Variants in PDGFRA observed in about 807,000 individuals in gnomAD.
The protein encoded by PDGFRA is platelet-derived growth factor receptor alpha.
PDGFRA carries 25 observed loss-of-function variants against 121.5 expected under a neutral mutation model. The observed-to-expected ratio is 0.21, with a 90% CI of 0.15 to 0.29. The LOEUF (loss-of-function observed/expected upper bound fraction) is 0.29, where lower values mean the gene tolerates loss of function less well. Ranked by LOEUF, PDGFRA falls within the 10% of genes least tolerant of loss-of-function variation. The pLI is 1.00. For missense variants in PDGFRA, 1,008 were observed against 1,345.1 expected (o/e 0.75, Z 3.92); for synonymous variants, 463 against 494.8 (o/e 0.94, Z 0.85).
chr4:54,248,270 C>G (rs1721815859), intron 1 of PDGFRA, among the ~76,000 whole-genome samples: 1 of 152,136 alleles, frequency 6.6e-6, no homozygotes, highest in Non-Finnish European at 1.5e-5. Context: ...CAGTCCTAAG[C>G]CAAAAGAACA....
chr4:54,280,423 C>T lies in PDGFRA; in HGVS notation c.2264C>T (p.Ser755Phe), dbSNP rs139465754. ...MLERKEVSKYSDIQRSLYDRP... is the reference protein window; with the variant it reads ...MLERKEVSKYFDIQRSLYDRP... ...GAAAGGAAAGAGGTTTCTAAATATT[C>T]CGACATCCAGAGATCACTCTATGAT... The change falls in exon 16 of 23, where the codon TCC (serine) becomes TTC (phenylalanine). Residue 755 changes from serine to phenylalanine, a missense_variant. Ser to Phe is a radical substitution (Grantham distance 155). Coordinates refer to ENST00000257290, the MANE Select transcript of PDGFRA (RefSeq NM_006206.6). The T allele has an allele frequency of 2.5e-6, 4 of 1,613,574 alleles. No homozygotes were observed. Among genetic ancestry groups the T allele is most frequent in the Non-Finnish European group, 3.4e-6 (4 of 1,179,620 alleles).
At chr4:54,290,092 C>T (rs546324152) in intron 21 of PDGFRA, among the ~76,000 whole-genome samples, 142 of 152,348 alleles carry the variant, frequency 9.3e-4, no homozygotes, top group African/African-American at 3.3e-3. Flanking sequence ...CTACTGGTAT[C>T]TTAGCACCTA....
intron 1 of PDGFRA, chr4:54,229,928 G>A (rs917392699): frequency 2.1e-5 from 3 of 142,154 alleles, no homozygotes; most frequent in African/African-American, 7.7e-5. Flanking sequence ...GCGGCTGGGG[G>A]ACCAGGGGGA....
In PDGFRA at chr4:54,264,016, T is replaced by C. The variant is rs547593997; in HGVS notation, c.628+89T>C. 4.0e-4 allele frequency: 445 copies of C among 1,109,644 alleles called. 4 individuals carry two copies. The East Asian group carries it at 0.011, about 27-fold the overall frequency. 68.7% of individuals were successfully genotyped at this position (1,109,644 alleles called of 1,614,324 possible). ...AGGATTTTTTTTTTTTTTTAAATCATCATCACTGGTGATCCTAAATTCTGA... is the reference window on the plus strand; with the variant it reads ...AGGATTTTTTTTTTTTTTTAAATCACCATCACTGGTGATCCTAAATTCTGA... On this transcript the variant is annotated intron_variant, in intron 4 of 22. Transcript: ENST00000257290.
intron 15 of PDGFRA, 78 bp from the exon 16 acceptor site, chr4:54,280,238 A>AC: frequency 8.3e-7 from 1 of 1,198,616 alleles, no homozygotes; most frequent in Non-Finnish European, 1.2e-6. Context: ...TACCTGGCAC[A>AC]TAATCATCAT....
At position 54,290,402 on chromosome 4, in the gene PDGFRA, T is replaced by C. The variant is rs1724567643; in HGVS notation, c.2970T>C (p.Gly990=). 1.9e-6 allele frequency: 3 copies of C among 1,613,920 alleles called. No homozygotes were observed. The South Asian group carries it at 3.3e-5, about 18-fold the overall frequency. Residue 990 remains glycine (G), a synonymous_variant, in exon 22 of 23, where the codon GGT becomes GGC. Coordinates refer to ENST00000257290, the MANE Select transcript of PDGFRA (RefSeq NM_006206.6). The part of the protein sequence containing the change: ...MRVDSDNAYI[G]VTYKNEEDKL... Reference sequence around the variant, plus strand: ...TGGACTCAGACAATGCATACATTGGTGTCACCTACAAAAACGAGGAAGACA... The same window carrying C: ...TGGACTCAGACAATGCATACATTGGCGTCACCTACAAAAACGAGGAAGACA...
chr4:54,274,483 A>G (rs745361555), intron 10 of PDGFRA, 48 bp from the exon 11 acceptor site: 19 of 1,333,768 alleles, frequency 1.4e-5, no homozygotes, highest in Non-Finnish European at 1.8e-5. Flanking sequence ...GCCCCTGTGC[A>G]TGTCTGCCAG....
At chr4:54,287,153 G>A (rs112371146) in intron 18 of PDGFRA, among the ~76,000 whole-genome samples, 11 of 152,156 alleles carry the variant, frequency 7.2e-5, no homozygotes, top group African/African-American at 2.7e-4. Context: ...CACCTTTTGG[G>A]TGAAAATTCA....
chr4:54,288,733 A>G (rs894748980), intron 19 of PDGFRA, 66 bp from the exon 20 acceptor site: 4 of 904,460 alleles, frequency 4.4e-6, no homozygotes, highest in African/African-American at 3.3e-5. Context: ...GTGTTCTATC[A>G]TGCCAAGTGT....
chr4:54,263,840 A>G lies in PDGFRA; in HGVS notation c.541A>G (p.Thr181Ala). 1 of 1,613,326 alleles carries G rather than the reference A, an allele frequency of 6.2e-7. No individual in the cohort carries two copies. The highest frequency in any genetic ancestry group is 1.7e-5 in the Admixed American group (1 of 59,984). The stretch of plus-strand genomic sequence containing the variant: ...CGACAGCAGACAGGGCTTTAATGGG[A>G]CCTTCACTGTAGGGCCCTATATCTG... ...SYDSRQGFNG[T>A]FTVGPYICEA... Residue 181 changes from threonine (T) to alanine (A), a missense_variant, in exon 4 of 23, where the codon ACC becomes GCC. By Grantham distance (58) the Thr-to-Ala change is moderately conservative. Around this residue, in one of 5 missense-constraint regions of PDGFRA, gnomAD observed 575 missense variants for 701.8 expected, o/e 0.82. Coordinates refer to ENST00000257290, the MANE Select transcript of PDGFRA (RefSeq NM_006206.6).
At chr4:54,286,088 AC>A in intron 18 of PDGFRA, 125 bp downstream of exon 18, 1 of 1,005,488 alleles carries the variant, frequency 9.9e-7, no homozygotes, top group South Asian at 1.3e-5. Context: ...AGGGGTCAGT[AC>A]ACTGCCTTGG....
chr4:54,269,245 A>G (rs1723196489), intron 7 of PDGFRA, among the ~76,000 whole-genome samples: 1 of 152,126 alleles, frequency 6.6e-6, no homozygotes, highest in Non-Finnish European at 1.5e-5. Flanking sequence ...GTGCCCCAGT[A>G]TTTGCAAAGT....
In PDGFRA at chr4:54,273,667, G is replaced by A. The variant is rs746574289; in HGVS notation, c.1495G>A (p.Val499Met). The A allele has an allele frequency of 9.3e-6, 15 of 1,614,020 alleles. 1 individual carries two copies. The highest frequency in any genetic ancestry group is 7.7e-5 in the South Asian group (7 of 91,078). Residue 499 changes from valine to methionine, a missense_variant, in exon 10 of 23, where the codon GTG becomes ATG. Physicochemically the swap from Val to Met is conservative, Grantham distance 21 (BLOSUM62 1). Around this residue, in one of 5 missense-constraint regions of PDGFRA, gnomAD observed 575 missense variants for 701.8 expected, o/e 0.82. Coordinates refer to ENST00000257290, the MANE Select transcript of PDGFRA (RefSeq NM_006206.6). ...CGCCAAAGTGGAGGAGACCATCGCC[G>A]TGCGATGCCTGGCTAAGAATCTCCT... ...TFAKVEETIA[V>M]RCLAKNLLGA...
chr4:54,267,712 C>T lies in PDGFRA; in HGVS notation c.1092C>T (p.Thr364=), dbSNP rs755765009. 2 of 1,614,026 alleles carry T rather than the reference C, an allele frequency of 1.2e-6. No individual in the cohort carries two copies. The highest frequency in any genetic ancestry group is 2.2e-5 in the South Asian group (2 of 91,084). ...LTLIENLTEI[T]TDVEKIQEIR... ...TGATTGAAAATCTCACTGAGATCAC[C>T]ACTGATGTGGAAAAGATTCAGGAAA... Residue 364 remains threonine (T), a synonymous_variant, in exon 7 of 23, where the codon ACC becomes ACT. Transcript: ENST00000257290.
At chr4:54,287,334 G>T (rs1180146662) in intron 18 of PDGFRA, 96 bp from the exon 19 acceptor site, 1 of 770,584 alleles carries the variant, frequency 1.3e-6, no homozygotes, top group South Asian at 1.3e-5. Flanking sequence ...ATTAGCACAA[G>T]TTATTAAGAG....
Position 54,265,088 on chromosome 4 carries a change from C to T in PDGFRA, c.759+39C>T, listed in dbSNP as rs1320707184. On this transcript the variant is annotated intron_variant, in intron 5 of 22. Coordinates refer to ENST00000257290, the MANE Select transcript of PDGFRA (RefSeq NM_006206.6). The stretch of plus-strand genomic sequence containing the variant: ...AAACGTGCAATGGCTTGGAGCAGAG[C>T]AACAGGGCTCAGAAGACCTGCATTT... 7 of 1,607,432 alleles carry T rather than the reference C, an allele frequency of 4.4e-6. No individual in the cohort carries two copies. In the Admixed American group the frequency reaches 1.2e-4, roughly 27 times the overall value.
At chr4:54,259,270 G>C (rs1722552886) in intron 2 of PDGFRA, among the ~76,000 whole-genome samples, 2 of 152,044 alleles carry the variant, frequency 1.3e-5, no homozygotes, top group South Asian at 4.1e-4. Flanking sequence ...GATTATGCCT[G>C]TGACTAGCCA....
intron 2 of PDGFRA, 82 bp downstream of exon 2, chr4:54,258,899 T>C: frequency 2.9e-6 from 3 of 1,034,282 alleles, no homozygotes; most frequent in South Asian, 1.3e-5. Context: ...TTATTACCAG[T>C]ACTCTGCATA....
At chr4:54,252,066 G>A (rs1722077287) in intron 1 of PDGFRA, among the ~76,000 whole-genome samples, 1 of 152,186 alleles carries the variant, frequency 6.6e-6, no homozygotes, top group Non-Finnish European at 1.5e-5. Flanking sequence ...TGTTGTTTTT[G>A]AGTTTCTTCT....
Sources: gnomAD v4.1 joint callset for allele counts (sites outside exome capture counted in the v4.1 genomes callset) on GRCh38, gnomAD v4.1.1 for gene constraint, gnomAD v4.1.1 regional missense constraint, MANE v1.5 for transcripts, NCBI Gene and HGNC (gene_info 2026-07-23, HGNC 2026-07-21) for gene names.